The following MTAP variants were observed in gnomAD, a reference collection of about 807,000 sequenced individuals.
MTAP encodes the protein S-methyl-5'-thioadenosine phosphorylase.
Under a neutral mutation model 33.6 loss-of-function variants are expected in MTAP, and 33 were observed. The observed-to-expected ratio is 0.98, with a 90% CI of 0.74 to 1.31. MTAP has a LOEUF of 1.31. MTAP is among the 40% of genes most tolerant of loss of function. The pLI is 0.00. For missense variants in MTAP, 367 were observed against 360.0 expected, an observed-to-expected ratio of 1.02 and a Z score of -0.16; for synonymous variants, 148 against 125.7, an observed-to-expected ratio of 1.18 and a Z score of -1.19.
At chr9:21,839,049 G>A (rs1825179272) in intron 5 of MTAP, among the ~76,000 whole-genome samples, 1 of 152,166 alleles carries the variant, frequency 6.6e-6, no homozygotes, top group African/African-American at 2.4e-5. Flanking sequence ...ACAGGGTTGG[G>A]AGAAATATTT....
chr9:21,916,784 G>C (rs904737583), intron 1 of MTAP, among the ~76,000 whole-genome samples: 1 of 152,178 alleles, frequency 6.6e-6, no homozygotes, highest in African/African-American at 2.4e-5. Context: ...TTCGTAGAGA[G>C]CAAGGCACTG....
chr9:21,820,455 A>G (rs560651752), intron 4 of MTAP, among the ~76,000 whole-genome samples: 1 of 152,106 alleles, frequency 6.6e-6, no homozygotes, highest in South Asian at 2.1e-4. Context: ...ATGCTTGTAG[A>G]TGTGTGGTAT....
intron 1 of MTAP, among the ~76,000 whole-genome samples, chr9:21,806,971 C>G (rs1460898526): frequency 6.6e-6 from 1 of 152,084 alleles, no homozygotes; most frequent in Non-Finnish European, 1.5e-5. Context: ...CAAGACCAGC[C>G]TGGGCAACAT....
intron 1 of MTAP, among the ~76,000 whole-genome samples, chr9:21,810,413 T>A (rs765248012): frequency 7.0e-6 from 1 of 143,842 alleles, no homozygotes; most frequent in Admixed American, 6.7e-5. Context: ...ACGAGGGAGA[T>A]AGGAAAAGGA....
At chr9:21,908,575 C>A (rs536089523) in intron 1 of MTAP, among the ~76,000 whole-genome samples, 2 of 152,142 alleles carry the variant, frequency 1.3e-5, no homozygotes, top group East Asian at 3.9e-4. Context: ...TATAGTAGAT[C>A]ATGTTTTTAA....
At chr9:21,938,435 G>GA (rs901863715), downstream of MTAP, among the ~76,000 whole-genome samples, 14 of 144,092 alleles carry the variant, frequency 9.7e-5, no homozygotes, top group South Asian at 2.2e-4. Context: ...TGAGACCTTG[G>GA]AAAAAAAAAG....
intron 4 of MTAP, among the ~76,000 whole-genome samples, chr9:21,828,425 A>G (rs1026470930): frequency 2.0e-5 from 3 of 152,130 alleles, no homozygotes; most frequent in African/African-American, 4.8e-5. Flanking sequence ...TGTAATCCCA[A>G]CATTTTGGGA....
chr9:21,900,088 C>T (rs896422819), intron 1 of MTAP, among the ~76,000 whole-genome samples: 18 of 152,098 alleles, frequency 1.2e-4, no homozygotes, highest in African/African-American at 4.3e-4. Flanking sequence ...TAGAAGAAAA[C>T]CTAGGAAATA....
intron 1 of MTAP, among the ~76,000 whole-genome samples, chr9:21,883,446 G>C (rs911446070): frequency 6.6e-6 from 1 of 152,032 alleles, no homozygotes; most frequent in Non-Finnish European, 1.5e-5. Context: ...TAAATTGATA[G>C]AACCACATGG....
At chr9:21,853,199 A>G (rs1044864865) in intron 5 of MTAP, among the ~76,000 whole-genome samples, 4 of 152,060 alleles carry the variant, frequency 2.6e-5, no homozygotes, top group Non-Finnish European at 4.4e-5. Flanking sequence ...CTCTAGAAGC[A>G]CTGTGAACTT....
At chr9:21,930,562 C>G (rs1185104290) in intron 1 of MTAP, 1 of 317,986 alleles carries the variant, frequency 3.1e-6, no homozygotes, top group Non-Finnish European at 5.7e-6. Context: ...GTATGGGAAC[C>G]TAAACTGCCG....
At position 21,802,874 on chromosome 9, in the gene MTAP, C is replaced by T. The variant is rs575255607; in HGVS notation, c.33+93C>T. 2.3e-5 allele frequency: 35 copies of T among 1,537,638 alleles called. No homozygotes were observed. In the East Asian group the frequency reaches 4.9e-4, roughly 22 times the overall value. Reference sequence around the variant, plus strand: ...ACCGCGCCTCCGGGGGCCATGCGCCCGGCCCGTGCGTCCCTTGCCGCCGCG... The same window carrying T: ...ACCGCGCCTCCGGGGGCCATGCGCCTGGCCCGTGCGTCCCTTGCCGCCGCG... On this transcript the variant is annotated intron_variant, in intron 1 of 7. Coordinates refer to ENST00000644715, the MANE Select transcript of MTAP (RefSeq NM_002451.4).
chr9:21,803,702 G>A (rs1477029356), intron 1 of MTAP, among the ~76,000 whole-genome samples: 1 of 146,680 alleles, frequency 6.8e-6, no homozygotes, highest in Non-Finnish European at 1.5e-5. Flanking sequence ...ACCTCTTCTA[G>A]GCAGTTTATT....
In MTAP at chr9:21,862,837, A is replaced by G. The variant is rs976204207; in HGVS notation, c.*823A>G. The G allele has an allele frequency of 2.8e-5, 15 of 535,356 alleles. No homozygotes were observed. In the African/African-American group the frequency reaches 3.0e-4, roughly 11 times the overall value. The allele number at this position is 535,356 out of a possible 1,614,324, so 33.2% of individuals were successfully genotyped here. ...TTGTTATTGTATTTGGGGGAGGGAT[A>G]CTGGGATAATTTTTATTTTCTTTGA... On this transcript the variant is annotated 3_prime_UTR_variant, in exon 8 of 8. Transcript: ENST00000644715.
At chr9:21,859,175 G>A (rs1242706377) in intron 6 of MTAP, 128 bp from the exon 7 acceptor site, 18 of 1,377,972 alleles carry the variant, frequency 1.3e-5, no homozygotes, top group Non-Finnish European at 1.6e-5. Flanking sequence ...TGAGGATTCG[G>A]TTTCAGCAGA....
At chr9:21,912,515 T>G (rs973201818) in intron 1 of MTAP, among the ~76,000 whole-genome samples, 2 of 151,978 alleles carry the variant, frequency 1.3e-5, no homozygotes, top group South Asian at 4.1e-4. Context: ...CATATAAACA[T>G]AACCAAAGAC....
chr9:21,940,117 A>T (rs1819112858), downstream of MTAP, among the ~76,000 whole-genome samples: 1 of 152,194 alleles, frequency 6.6e-6, no homozygotes, highest in South Asian at 2.1e-4. Context: ...AAGGACCCTT[A>T]AGGAGATTTT....
chr9:21,814,989 T>A (rs1229657590), intron 1 of MTAP, among the ~76,000 whole-genome samples: 1 of 152,222 alleles, frequency 6.6e-6, no homozygotes, highest in South Asian at 2.1e-4. Flanking sequence ...CCAAATGGAA[T>A]ACCTAATATT....
At position 21,807,213 on chromosome 9, in the gene MTAP, A is replaced by G. The variant is rs150610075; in HGVS notation, c.33+4432A>G. On this transcript the variant is annotated intron_variant, in intron 1 of 7. Coordinates refer to ENST00000644715, the MANE Select transcript of MTAP (RefSeq NM_002451.4). ...ACTTGTTAATCATGGTTGCTGTGAC[A>G]AGGAGGGGATATGGTCCCATTGTAG... 1.7e-4 allele frequency among the ~76,000 whole-genome samples: 26 copies of G among 152,258 alleles called. No homozygotes were observed. The East Asian group carries it at 5.0e-3, about 29-fold the overall frequency.
Sources: allele counts gnomAD v4.1 joint callset (sites outside exome capture counted in the v4.1 genomes callset), GRCh38; gene constraint gnomAD v4.1.1; transcripts MANE v1.5; gene names NCBI Gene and HGNC (gene_info 2026-07-23, HGNC 2026-07-21).